JAKMIP2: variants seen among roughly 807,000 people sequenced by gnomAD.
The protein encoded by JAKMIP2 is janus kinase and microtubule interacting protein 2.
A neutral mutation model predicts 115.0 loss-of-function variants in JAKMIP2; 25 were observed. The ratio of observed to expected loss-of-function variants is 0.22; its 90% CI spans 0.16 to 0.30. JAKMIP2 has a LOEUF of 0.30. Among genes scored for constraint, JAKMIP2 ranks in the 10% least tolerant of loss-of-function variants. The probability of loss-of-function intolerance (pLI) is 1.00; values close to 1 mark genes in which losing one functional copy is unlikely to be tolerated. For synonymous variants in JAKMIP2, 334 were observed against 343.6 expected (o/e 0.97, Z 0.31); for missense variants, 642 against 957.6 (o/e 0.67, Z 4.35).
At chr5:147,704,588 G>C (rs1011981710) in intron 1 of JAKMIP2, among the ~76,000 whole-genome samples, 1 of 152,096 alleles carries the variant, frequency 6.6e-6, no homozygotes, top group African/African-American at 2.4e-5. Context: ...AAGACAACCA[G>C]GGAGTGAGGA....
intron 12 of JAKMIP2, among the ~76,000 whole-genome samples, chr5:147,634,396 G>A (rs1327509023): frequency 6.6e-6 from 1 of 152,194 alleles, no homozygotes; most frequent in Non-Finnish European, 1.5e-5. Flanking sequence ...TAGGGAAATA[G>A]TGAGAAATTA....
chr5:147,754,046 G>T (rs920151266), intron 1 of JAKMIP2, among the ~76,000 whole-genome samples: 1 of 152,098 alleles, frequency 6.6e-6, no homozygotes, highest in African/African-American at 2.4e-5. Flanking sequence ...TAGAATTAAA[G>T]ATATTAAATG....
chr5:147,669,860 C>A (rs1263178011), intron 2 of JAKMIP2, among the ~76,000 whole-genome samples: 3 of 152,192 alleles, frequency 2.0e-5, no homozygotes, highest in Non-Finnish European at 4.4e-5. Flanking sequence ...TCTCACCTCA[C>A]TACTTTATCA....
chr5:147,661,849 C>G (rs1758996197), intron 2 of JAKMIP2: 1 of 177,812 alleles, frequency 5.6e-6, no homozygotes, highest in African/African-American at 2.4e-5. Context: ...GAAAGTATCG[C>G]TATCATGGTT....
chr5:147,781,890 T>C (rs1487694199), intron 1 of JAKMIP2, among the ~76,000 whole-genome samples: 1 of 152,202 alleles, frequency 6.6e-6, no homozygotes, highest in African/African-American at 2.4e-5. Flanking sequence ...CATGTGTAAG[T>C]TCACAGTCAA....
chr5:147,611,515 C>T (rs1481660522), intron 20 of JAKMIP2, among the ~76,000 whole-genome samples: 1 of 152,168 alleles, frequency 6.6e-6, no homozygotes, highest in African/African-American at 2.4e-5. Context: ...TGGGCTGCAC[C>T]CATTGTCTAA....
In JAKMIP2 at chr5:147,587,563, T is replaced by G. The variant is rs1754926800; in HGVS notation, c.*4144A>C. ...AATATAACACAGATGATCCAATTAT[T>G]TAAACATCAACACAAAACCAATGAA... On this transcript the variant is annotated 3_prime_UTR_variant, in exon 22 of 22. Transcript: ENST00000616793. 1 of 152,136 alleles carries G rather than the reference T, an allele frequency of 6.6e-6. No homozygotes were observed. Among genetic ancestry groups the G allele is most frequent in the Non-Finnish European group, 1.5e-5 (1 of 68,028 alleles). 9.4% of individuals were successfully genotyped at this position (152,136 alleles called of 1,614,324 possible). A position where few individuals can be genotyped will look rare whatever the true frequency, so the allele number is the denominator to read the frequency against.
chr5:147,696,894 T>C (rs1752127655), intron 1 of JAKMIP2, among the ~76,000 whole-genome samples: 1 of 152,314 alleles, frequency 6.6e-6, no homozygotes, highest in Admixed American at 6.5e-5. Flanking sequence ...CCTAGAGATC[T>C]GAGGAACTTT....
chr5:147,721,451 G>C (rs1482115629), intron 1 of JAKMIP2, among the ~76,000 whole-genome samples: 2 of 152,076 alleles, frequency 1.3e-5, no homozygotes, highest in Admixed American at 1.3e-4. Flanking sequence ...CCCCAGCCTC[G>C]CTGCCACCTT....
intron 1 of JAKMIP2, among the ~76,000 whole-genome samples, chr5:147,743,993 A>T (rs1323750518): frequency 8.0e-4 from 57 of 71,060 alleles, no homozygotes; most frequent in Admixed American, 1.2e-3. Context: ...CTTCCTTCCT[A>T]ACTTCTTTCC....
At chr5:147,654,053 C>T (rs544305749) in intron 3 of JAKMIP2, among the ~76,000 whole-genome samples, 22 of 152,068 alleles carry the variant, frequency 1.4e-4, no homozygotes, top group Admixed American at 7.2e-4. Context: ...GGCCTCTGTT[C>T]TGTTCCATTG....
chr5:147,766,329 A>AT (rs537634042), intron 1 of JAKMIP2, among the ~76,000 whole-genome samples: 91 of 151,816 alleles, frequency 6.0e-4, no homozygotes, highest in Non-Finnish European at 1.0e-3. Flanking sequence ...TTTCTGTAGA[A>AT]TTTTTTTTTG....
chr5:147,730,448 ATT>A (rs10690155), intron 1 of JAKMIP2, among the ~76,000 whole-genome samples: 26 of 145,468 alleles, frequency 1.8e-4, no homozygotes, highest in African/African-American at 5.0e-4. Flanking sequence ...ATCTTGCCCT[ATT>A]TTTTTTTTTT....
At chr5:147,759,351 A>G (rs1339279846) in intron 1 of JAKMIP2, among the ~76,000 whole-genome samples, 3 of 152,142 alleles carry the variant, frequency 2.0e-5, no homozygotes, top group Non-Finnish European at 4.4e-5. Flanking sequence ...ACTAATTATC[A>G]TTTTTTAAAG....
At chr5:147,599,832 G>A (rs1734794969) in intron 21 of JAKMIP2, among the ~76,000 whole-genome samples, 2 of 152,098 alleles carry the variant, frequency 1.3e-5, no homozygotes, top group South Asian at 4.2e-4. Flanking sequence ...AAAGTCACAT[G>A]CTGTAGTTTC....
At chr5:147,646,315 ATTAATGCC>A (rs1194045803) in intron 5 of JAKMIP2, among the ~76,000 whole-genome samples, 1 of 152,208 alleles carries the variant, frequency 6.6e-6, no homozygotes, top group East Asian at 1.9e-4. Flanking sequence ...GTCCTGAAGC[ATTAATGCC>A]TTAGTCCTTA....
intron 1 of JAKMIP2, among the ~76,000 whole-genome samples, chr5:147,693,045 A>G (rs1017560293): frequency 3.3e-5 from 5 of 152,314 alleles, no homozygotes; most frequent in Non-Finnish European, 7.4e-5. Flanking sequence ...AACAATTTTT[A>G]TTTGAGGGAA....
At chr5:147,684,815 G>A (rs6885121) in intron 1 of JAKMIP2, among the ~76,000 whole-genome samples, 45,032 of 151,994 alleles carry the variant, frequency 0.3, 7,784 homozygotes, top group African/African-American at 0.48. Flanking sequence ...GAAATTAGAG[G>A]CTGTAGGTCC....
At chr5:147,670,073 C>T (rs1340233517) in intron 2 of JAKMIP2, among the ~76,000 whole-genome samples, 1 of 152,192 alleles carries the variant, frequency 6.6e-6, no homozygotes, top group African/African-American at 2.4e-5. Flanking sequence ...GACTCCCAAA[C>T]AAATGCTGTT....
Sources: gnomAD v4.1 joint callset for allele counts (sites outside exome capture counted in the v4.1 genomes callset) on GRCh38, gnomAD v4.1.1 for gene constraint, MANE v1.5 for transcripts, NCBI Gene and HGNC (gene_info 2026-07-23, HGNC 2026-07-21) for gene names.